The following KIAA1549L variants were observed in gnomAD, a reference collection of about 807,000 sequenced individuals.
The protein encoded by KIAA1549L is UPF0606 protein KIAA1549L.
In KIAA1549L, 88 loss-of-function variants were observed where a neutral mutation model predicts 160.7. The observed-to-expected ratio is 0.55, with a 90% confidence interval of 0.46 to 0.65. The LOEUF is 0.65. KIAA1549L is among the 30% of genes least tolerant of loss of function. The probability of loss-of-function intolerance (pLI) is 0.00; values close to 1 mark genes in which losing one functional copy is unlikely to be tolerated. For missense variants in KIAA1549L, 2,258 were observed against 2,437.5 expected (o/e 0.93, Z 1.55); for synonymous variants, 950 against 976.7 (o/e 0.97, Z 0.51).
At chr11:33,580,045 G>A (rs1416741892) in intron 10 of KIAA1549L, among the ~76,000 whole-genome samples, 2 of 152,116 alleles carry the variant, frequency 1.3e-5, no homozygotes, top group African/African-American at 4.8e-5. Flanking sequence ...ACTAATTCTA[G>A]GGCCAAGACT....
intron 1 of KIAA1549L, among the ~76,000 whole-genome samples, chr11:33,475,989 T>C (rs893510083): frequency 2.0e-5 from 3 of 152,172 alleles, no homozygotes; most frequent in Non-Finnish European, 2.9e-5. Flanking sequence ...AACCCTCACA[T>C]GTGCCCATCC....
intron 1 of KIAA1549L, among the ~76,000 whole-genome samples, chr11:33,475,188 T>C (rs1590272361): frequency 6.6e-6 from 1 of 152,186 alleles, no homozygotes; most frequent in African/African-American, 2.4e-5. Flanking sequence ...TTCTTTCTTA[T>C]GGAGCCCTGA....
chr11:33,555,438 A>G (rs952088852), intron 6 of KIAA1549L, among the ~76,000 whole-genome samples: 1 of 152,210 alleles, frequency 6.6e-6, no homozygotes, highest in African/African-American at 2.4e-5. Context: ...AATCAAAACA[A>G]TGTAGTGCTG....
At chr11:33,548,974 T>G (rs1453492587) in intron 4 of KIAA1549L, among the ~76,000 whole-genome samples, 1 of 152,230 alleles carries the variant, frequency 6.6e-6, no homozygotes, top group Non-Finnish European at 1.5e-5. Flanking sequence ...AAGAAATGCA[T>G]TATATGAGAG....
intron 17 of KIAA1549L, among the ~76,000 whole-genome samples, chr11:33,654,951 G>GTGC (rs1184100428): frequency 1.3e-5 from 2 of 152,192 alleles, no homozygotes; most frequent in African/African-American, 4.8e-5. Context: ...TGGATCCCCT[G>GTGC]TGCTGCTGTT....
At chr11:33,416,798 C>T (rs1590230109) in intron 1 of KIAA1549L, among the ~76,000 whole-genome samples, 1 of 152,214 alleles carries the variant, frequency 6.6e-6, no homozygotes, top group Non-Finnish European at 1.5e-5. Context: ...CTTACCAGCA[C>T]ATGCCTATGG....
intron 20 of KIAA1549L, among the ~76,000 whole-genome samples, chr11:33,667,331 T>C (rs537774768): frequency 4.6e-5 from 7 of 152,258 alleles, no homozygotes; most frequent in African/African-American, 7.2e-5. Flanking sequence ...CTAAGGTTTT[T>C]CAGCAAAGTT....
rs1455842966 is a variant in KIAA1549L at position 33,499,574 on chromosome 11, G to C, written c.239-42228G>C. 2.6e-5 allele frequency among the ~76,000 whole-genome samples: 4 copies of C among 152,200 alleles called. No homozygotes were observed. In the South Asian group the frequency reaches 6.2e-4, roughly 24 times the overall value. ...AGAATGGTATATGCAGAGGCTCACT[G>C]TTCCCTGAAGCCAGAGTGAACACCC... On this transcript the variant is annotated intron_variant, in intron 1 of 20. Coordinates refer to ENST00000658780, the MANE Select transcript of KIAA1549L (RefSeq NM_012194.3).
At chr11:33,430,569 A>T (rs1035465800) in intron 1 of KIAA1549L, among the ~76,000 whole-genome samples, 1 of 152,236 alleles carries the variant, frequency 6.6e-6, no homozygotes, top group Non-Finnish European at 1.5e-5. Flanking sequence ...TTTCATTTTT[A>T]TAAGCAAAGT....
rs375574453 is a variant in KIAA1549L, at chr11:33,559,832, C to G, written c.3939C>G (p.Val1313=). The change falls in exon 7 of 21, where the codon GTC becomes GTG. Residue 1313 remains valine, a synonymous_variant. Coordinates refer to ENST00000658780, the MANE Select transcript of KIAA1549L (RefSeq NM_012194.3). Reference sequence around the variant, plus strand: ...AGAGCACATTCCTCAACGGCACCGTCGCCAGCAGCCTCCTCAGCCAGCTCT... The same window carrying G: ...AGAGCACATTCCTCAACGGCACCGTGGCCAGCAGCCTCCTCAGCCAGCTCT... ...GNQSTFLNGT[V]ASSLLSQLSA... is the part of the protein sequence containing the mutation. 1.9e-6 allele frequency: 3 copies of G among 1,613,876 alleles called. No individual in the cohort carries two copies. The African/African-American group carries it at 4.0e-5, about 22-fold the overall frequency.
chr11:33,666,313 C>G (rs1400436901), intron 20 of KIAA1549L, among the ~76,000 whole-genome samples: 2 of 152,206 alleles, frequency 1.3e-5, no homozygotes, highest in African/African-American at 4.8e-5. Flanking sequence ...AGCCACGCAT[C>G]CCTGCTGCAG....
chr11:33,656,379 C>T (rs751429533), intron 18 of KIAA1549L, among the ~76,000 whole-genome samples: 7 of 152,186 alleles, frequency 4.6e-5, no homozygotes, highest in Non-Finnish European at 7.3e-5. Context: ...AAGCCTCAGA[C>T]CGTGACCTTG....
chr11:33,596,938 A>G (rs540986960), intron 12 of KIAA1549L, among the ~76,000 whole-genome samples: 5 of 152,302 alleles, frequency 3.3e-5, no homozygotes, highest in Admixed American at 3.3e-4. Flanking sequence ...CACACCCAGC[A>G]CTCAGCAATC....
At chr11:33,504,601 G>C (rs1425493234) in intron 1 of KIAA1549L, among the ~76,000 whole-genome samples, 1 of 152,000 alleles carries the variant, frequency 6.6e-6, no homozygotes, top group African/African-American at 2.4e-5. Context: ...CCAAATAGCT[G>C]GGACTACAGG....
chr11:33,613,738 C>A (rs990294096), intron 15 of KIAA1549L, among the ~76,000 whole-genome samples: 4 of 152,144 alleles, frequency 2.6e-5, no homozygotes, highest in African/African-American at 9.7e-5. Flanking sequence ...CAAACTAGAT[C>A]AATCAGTAAC....
chr11:33,599,944 CTCTT>C (rs1326562029), intron 13 of KIAA1549L, among the ~76,000 whole-genome samples: 7 of 152,262 alleles, frequency 4.6e-5, no homozygotes, highest in African/African-American at 1.7e-4. Flanking sequence ...AGTGCAGGGA[CTCTT>C]TCTTGAAGCT....
intron 16 of KIAA1549L, among the ~76,000 whole-genome samples, chr11:33,628,860 C>G (rs1483774281): frequency 2.0e-5 from 3 of 151,426 alleles, no homozygotes; most frequent in South Asian, 2.1e-4. Flanking sequence ...CTTGTTAGTT[C>G]ATGCAGTTTC....
chr11:33,517,167 C>T (rs182029245), intron 1 of KIAA1549L, among the ~76,000 whole-genome samples: 35 of 152,214 alleles, frequency 2.3e-4, no homozygotes, highest in Non-Finnish European at 3.8e-4. Flanking sequence ...TTCCGCCTTT[C>T]CTGCTAAGAT....
chr11:33,398,145 C>G (rs1850425291), intron 1 of KIAA1549L, among the ~76,000 whole-genome samples: 1 of 151,844 alleles, frequency 6.6e-6, no homozygotes. Flanking sequence ...TGCTCTTAAA[C>G]TCCTGACCTC....
Sources: gnomAD v4.1 joint callset for allele counts (sites outside exome capture counted in the v4.1 genomes callset) on GRCh38, gnomAD v4.1.1 for gene constraint, MANE v1.5 for transcripts, NCBI Gene and HGNC (gene_info 2026-07-23, HGNC 2026-07-21) for gene names.